Variants in ZNF516 observed in about 807,000 individuals in gnomAD.
ZNF516 encodes zinc finger protein 516.
ZNF516 carries 19 observed loss-of-function variants against 79.7 expected under a neutral mutation model. That is an observed-to-expected ratio of 0.24 (90% confidence interval 0.17 to 0.35). ZNF516 has a LOEUF of 0.35. Ranked by LOEUF, ZNF516 falls within the 10% of genes least tolerant of loss-of-function variation. The pLI is 1.00. For synonymous variants in ZNF516, 877 were observed against 739.5 expected (o/e 1.19, Z -3.02); for missense variants, 1,678 against 1,679.5 (o/e 1.00, Z 0.02).
At chr18:76,425,105 G>C (rs1024828744) in intron 3 of ZNF516, among the ~76,000 whole-genome samples, 7 of 151,954 alleles carry the variant, frequency 4.6e-5, no homozygotes, top group Non-Finnish European at 1.0e-4. Flanking sequence ...CCCCTGACTC[G>C]GAAGGGCCTT....
chr18:76,491,669 C>T (rs1270497884), intron 1 of ZNF516: 2 of 605,292 alleles, frequency 3.3e-6, no homozygotes, highest in East Asian at 2.9e-4. Context: ...GCGGCCACCG[C>T]CCCCACCCCG....
chr18:76,431,911 A>ACCAGCAGTGCC (rs2075666334), intron 3 of ZNF516, among the ~76,000 whole-genome samples: 1 of 152,210 alleles, frequency 6.6e-6, no homozygotes, highest in Non-Finnish European at 1.5e-5. Flanking sequence ...CACGCAGTGC[A>ACCAGCAGTGCC]CCAGCAGTGC....
In ZNF516 at chr18:76,442,744, T is replaced by A. The variant is rs1353635251; in HGVS notation, c.311A>T (p.Glu104Val). Residue 104 changes from glutamate to valine, a missense_variant, in exon 3 of 7, where the codon GAG (glutamate) becomes GTG (valine). Physicochemically the swap from Glu to Val is moderately radical, Grantham distance 121. Transcript: ENST00000443185. ...GTCCAGGCCCTCGGAGGCGCGCATC[T>A]CACCCAGCGGCGCCTCGCCCGCCTC... ...EPEAGEAPLG[E>V]MRASEGLDAC... 1 of 1,584,810 alleles carries A rather than the reference T, an allele frequency of 6.3e-7. No individual in the cohort carries two copies. The highest frequency in any genetic ancestry group is 8.6e-7 in the Non-Finnish European group (1 of 1,165,706).
intron 3 of ZNF516, among the ~76,000 whole-genome samples, chr18:76,413,427 A>C (rs949589159): frequency 1.4e-5 from 2 of 146,634 alleles, no homozygotes; most frequent in Non-Finnish European, 3.0e-5. Flanking sequence ...CGTCTGTTCA[A>C]TCAATCAATC....
At chr18:76,490,498 CT>C (rs1364241067) in intron 1 of ZNF516, among the ~76,000 whole-genome samples, 1 of 152,182 alleles carries the variant, frequency 6.6e-6, no homozygotes, top group Non-Finnish European at 1.5e-5. Flanking sequence ...ATGCCTAGCT[CT>C]TTTAAGTAAC....
At chr18:76,488,671 A>G (rs1914979793) in intron 1 of ZNF516, among the ~76,000 whole-genome samples, 1 of 152,244 alleles carries the variant, frequency 6.6e-6, no homozygotes, top group Non-Finnish European at 1.5e-5. Flanking sequence ...TATGACTTCC[A>G]AGTTCAAACA....
Position 76,450,622 on chromosome 18 carries a change from A to T in ZNF516, c.-157-7411T>A, listed in dbSNP as rs541480927. ...ACACGAACTCTCCCGAACATCAGCC[A>T]AAATTCAGTGTATTCTGGCATTCTG... On this transcript the variant is annotated intron_variant, in intron 2 of 6. Coordinates refer to ENST00000443185, the MANE Select transcript of ZNF516 (RefSeq NM_014643.4). Among the ~76,000 whole-genome samples, 3 of 152,318 alleles carry T rather than the reference A, an allele frequency of 2.0e-5. No homozygotes were observed. The East Asian group carries it at 5.8e-4, about 29-fold the overall frequency.
chr18:76,400,871 A>G (rs989178377), intron 3 of ZNF516, among the ~76,000 whole-genome samples: 18 of 152,168 alleles, frequency 1.2e-4, no homozygotes, highest in African/African-American at 4.1e-4. Flanking sequence ...TCACAACACT[A>G]TATTGTTCCT....
rs778063656 is a variant in ZNF516 at position 76,442,011 on chromosome 18, G to A, written c.1044C>T (p.Asp348=). Reference sequence around the variant, plus strand: ...GGATGGCATTGTGGGCGTTCAAGCTGTCCAGGTTTGTAAACAGGTTCCCGC... The same window carrying A: ...GGATGGCATTGTGGGCGTTCAAGCTATCCAGGTTTGTAAACAGGTTCCCGC... ...AKCGNLFTNL[D]SLNAHNAIHR... is the part of the protein sequence containing the mutation. Residue 348 remains aspartate (D), a synonymous_variant, in exon 3 of 7, where the codon GAC becomes GAT. Coordinates refer to ENST00000443185, the MANE Select transcript of ZNF516 (RefSeq NM_014643.4). 1 of 1,613,812 alleles carries A rather than the reference G, an allele frequency of 6.2e-7. No homozygotes were observed.
Position 76,441,559 on chromosome 18 carries a change from G to A in ZNF516, c.1496C>T (p.Ala499Val), listed in dbSNP as rs763150977. The A allele has an allele frequency of 3.4e-6, 5 of 1,485,310 alleles. No homozygotes were observed. The highest frequency in any genetic ancestry group is 4.5e-6 in the Non-Finnish European group (5 of 1,122,618). 92.0% of individuals were successfully genotyped at this position (1,485,310 alleles called of 1,614,324 possible). Reference sequence around the variant, plus strand: ...GGCTGCGGCCCTGCGGTTGGGGCGCGCGGCCGAGCGGGGATCGAGGTGGCC... The same window carrying A: ...GGCTGCGGCCCTGCGGTTGGGGCGCACGGCCGAGCGGGGATCGAGGTGGCC... The part of the protein sequence containing the change: ...PAGHLDPRSA[A>V]RPNRRAAATT... The change falls in exon 3 of 7, where the codon GCG becomes GTG. Residue 499 changes from alanine (A) to valine (V), a missense_variant. Ala to Val is a moderately conservative substitution (Grantham distance 64, BLOSUM62 0). Transcript: ENST00000443185.
rs1446422619 is a variant in ZNF516 at position 76,380,230 on chromosome 18, G to A, written c.1884C>T (p.His628=). ...TTTCCGAGGCGTTATCTCCCATCTT[G>A]TGACTCTGGTCTCCACTGGAGAGCT... ...STELSSGDQS[H]KMGDNASERD... The change falls in exon 4 of 7, where the codon CAC becomes CAT. Residue 628 remains histidine (H), a synonymous_variant. Transcript: ENST00000443185. 4 of 1,613,870 alleles carry A rather than the reference G, an allele frequency of 2.5e-6. No homozygotes were observed. The highest frequency in any genetic ancestry group is 1.3e-5 in the African/African-American group (1 of 74,922).
In ZNF516 at chr18:76,467,562, G is replaced by A. The variant is rs376325076; in HGVS notation, c.-271-4421C>T. On this transcript the variant is annotated intron_variant, in intron 1 of 6. Coordinates refer to ENST00000443185, the MANE Select transcript of ZNF516 (RefSeq NM_014643.4). The surrounding 1 kb of genome is among the most constrained non-coding windows in gnomAD (Gnocchi z 4.2). Reference sequence around the variant, plus strand: ...CTGCAAGTAAGTGCTCAGTCAAGGAGGGGACAAGGCTTCGGAGGCTGGTGG... The same window carrying A: ...CTGCAAGTAAGTGCTCAGTCAAGGAAGGGACAAGGCTTCGGAGGCTGGTGG... 6.6e-6 allele frequency among the ~76,000 whole-genome samples: 1 copy of A among 152,288 alleles called. No homozygotes were observed. Among genetic ancestry groups the A allele is most frequent in the African/African-American group, 2.4e-5 (1 of 41,572 alleles).
chr18:76,462,620 A>G (rs1004705046), intron 2 of ZNF516, among the ~76,000 whole-genome samples: 1 of 152,238 alleles, frequency 6.6e-6, no homozygotes, highest in Non-Finnish European at 1.5e-5. Flanking sequence ...GCCCAACTGT[A>G]ATAAGCTGTG....
intron 4 of ZNF516, among the ~76,000 whole-genome samples, chr18:76,376,591 G>A (rs1327621820): frequency 1.3e-5 from 2 of 149,894 alleles, no homozygotes; most frequent in Non-Finnish European, 3.0e-5. Flanking sequence ...TGTAAGAAAA[G>A]GGAAAATACT....
rs754354368 is a variant in ZNF516, at chr18:76,442,667, C to T, written c.388G>A (p.Gly130Arg). Reference sequence around the variant, plus strand: ...CTGGCGCCGTCGGCCTGCGAGGCCCCGTTCAGCAGCCGGTTGCAGGCCGAG... The same window carrying T: ...CTGGCGCCGTCGGCCTGCGAGGCCCTGTTCAGCAGCCGGTTGCAGGCCGAG... ...SASACNRLLN[G>R]ASQADGARVL... is the part of the protein sequence containing the mutation. The change falls in exon 3 of 7, where the codon GGG becomes AGG. Residue 130 changes from glycine to arginine, a missense_variant. Around this residue, in one of 5 missense-constraint regions of ZNF516, gnomAD observed 279 missense variants for 254.1 expected, o/e 1.10. Coordinates refer to ENST00000443185, the MANE Select transcript of ZNF516 (RefSeq NM_014643.4). The T allele has an allele frequency of 2.5e-6, 4 of 1,584,446 alleles. No individual in the cohort carries two copies. The highest frequency in any genetic ancestry group is 3.4e-6 in the Non-Finnish European group (4 of 1,169,622).
chr18:76,487,832 A>G (rs1475291273), intron 1 of ZNF516: 2 of 645,042 alleles, frequency 3.1e-6, no homozygotes, highest in African/African-American at 4.0e-5. Flanking sequence ...TGTCTCCTCT[A>G]TGGCCCCTAG....
chr18:76,431,583 C>T lies in ZNF516; in HGVS notation c.1810+9662G>A, dbSNP rs527958446. On this transcript the variant is annotated intron_variant, in intron 3 of 6. Transcript: ENST00000443185. ...TGGGGCCCGAGGGGCGGTGTCTGGG[C>T]CATGGGGATGGGTCCCTTACGAATG... Among the ~76,000 whole-genome samples, 3 of 152,296 alleles carry T rather than the reference C, an allele frequency of 2.0e-5. No individual in the cohort carries two copies. In the South Asian group the frequency reaches 6.2e-4, roughly 32 times the overall value.
Position 76,459,122 on chromosome 18 carries a change from T to TG in ZNF516, c.-158+3905dup, listed in dbSNP as rs1272117544. On this transcript the variant is annotated intron_variant, in intron 2 of 6. Transcript: ENST00000443185. This position sits in a 1 kb window ranked among gnomAD's most constrained non-coding sequence, Gnocchi z 5.0. ...TCCAACAATCTACCAGCAACACTCG[T>TG]GCCCATGTGCCTGGATTACCAGCTT... Among the ~76,000 whole-genome samples the TG allele has an allele frequency of 6.6e-6, 1 of 152,220 alleles. No homozygotes were observed. Among genetic ancestry groups the TG allele is most frequent in the Admixed American group, 6.5e-5 (1 of 15,288 alleles).
At chr18:76,390,793 T>C (rs1006654884) in intron 3 of ZNF516, among the ~76,000 whole-genome samples, 4 of 152,152 alleles carry the variant, frequency 2.6e-5, no homozygotes, top group African/African-American at 9.7e-5. Context: ...CATGACACTT[T>C]CCGGGTTCAC....
Sources: gnomAD v4.1 joint callset for allele counts (sites outside exome capture counted in the v4.1 genomes callset) on GRCh38, gnomAD v4.1.1 for gene constraint, gnomAD v4.1.1 regional missense constraint, Gnocchi (gnomAD v3.1) non-coding constraint, MANE v1.5 for transcripts, NCBI Gene and HGNC (gene_info 2026-07-23, HGNC 2026-07-21) for gene names.